MIPOL1: variants seen among roughly 807,000 people sequenced by gnomAD.
MIPOL1 encodes mirror-image polydactyly 1.
MIPOL1 carries 57 observed loss-of-function variants against 60.9 expected under a neutral mutation model. The observed-to-expected ratio is 0.94, with a 90% CI of 0.76 to 1.17. The LOEUF is 1.17. MIPOL1 is among the 50% of genes most tolerant of loss of function. The probability of loss-of-function intolerance (pLI) is 0.00; values close to 1 mark genes in which losing one functional copy is unlikely to be tolerated. For synonymous variants in MIPOL1, 179 were observed against 168.8 expected, an observed-to-expected ratio of 1.06 and a Z score of -0.47; for missense variants, 551 against 511.6, an observed-to-expected ratio of 1.08 and a Z score of -0.74.
At chr14:37,486,181 T>C (rs1218023034) in intron 11 of MIPOL1, among the ~76,000 whole-genome samples, 4 of 152,290 alleles carry the variant, frequency 2.6e-5, no homozygotes, top group East Asian at 1.9e-4. Flanking sequence ...GTTTGTTCTG[T>C]TTCATTCGTC....
At chr14:37,276,562 CAT>C (rs1202359422) in intron 6 of MIPOL1, 1 of 150,978 alleles carries the variant, frequency 6.6e-6, no homozygotes, top group East Asian at 1.9e-4. Context: ...TACTATGTAT[CAT>C]ATCTCAGATG....
chr14:37,377,298 C>T (rs2092802790), intron 10 of MIPOL1, among the ~76,000 whole-genome samples: 1 of 152,078 alleles, frequency 6.6e-6, no homozygotes, highest in South Asian at 2.1e-4. Context: ...GAAAGAGGGG[C>T]ATCTTTGTAA....
chr14:37,319,745 A>G (rs777494740), intron 9 of MIPOL1, among the ~76,000 whole-genome samples: 4 of 152,110 alleles, frequency 2.6e-5, no homozygotes, highest in Non-Finnish European at 5.9e-5. Flanking sequence ...TGAAAGCAGC[A>G]TCCTGATCAA....
intron 9 of MIPOL1, among the ~76,000 whole-genome samples, chr14:37,323,691 A>T (rs965127535): frequency 1.3e-5 from 2 of 152,066 alleles, no homozygotes; most frequent in African/African-American, 4.8e-5. Flanking sequence ...TCATACACCC[A>T]TGTAACCACA....
intron 9 of MIPOL1, among the ~76,000 whole-genome samples, chr14:37,319,665 G>A (rs1052028315): frequency 6.6e-6 from 1 of 152,150 alleles, no homozygotes; most frequent in Non-Finnish European, 1.5e-5. Flanking sequence ...TTTTGTAAAT[G>A]AGGGTATAAC....
At chr14:37,264,225 A>G (rs1239987562) in intron 3 of MIPOL1, among the ~76,000 whole-genome samples, 2 of 152,154 alleles carry the variant, frequency 1.3e-5, no homozygotes, top group Admixed American at 1.3e-4. Context: ...TGAATAAGGT[A>G]AAGAAAATTA....
At position 37,302,137 on chromosome 14, in the gene MIPOL1, A is replaced by G. The variant is rs915096491; in HGVS notation, c.624-5919A>G. On this transcript the variant is annotated intron_variant, in intron 7 of 12. Transcript: ENST00000684589. Reference sequence around the variant, plus strand: ...AACCCAGTAGCAATACTGCTGAATCATAAGTTAAATCTATGTTAATTTTAT... The same window carrying G: ...AACCCAGTAGCAATACTGCTGAATCGTAAGTTAAATCTATGTTAATTTTAT... Among the ~76,000 whole-genome samples the G allele has an allele frequency of 1.4e-4, 21 of 148,238 alleles. No individual in the cohort carries two copies. The East Asian group carries it at 4.2e-3, about 29-fold the overall frequency.
At chr14:37,400,503 A>G (rs552613104) in intron 10 of MIPOL1, 1 of 152,202 alleles carries the variant, frequency 6.6e-6, no homozygotes, top group Non-Finnish European at 1.5e-5. Flanking sequence ...GTTGATAAGG[A>G]TAGTACAAAG....
rs530847965 is a variant in MIPOL1, at chr14:37,395,124, G to A, written c.936+25500G>A. Among the ~76,000 whole-genome samples the A allele has an allele frequency of 4.6e-5, 7 of 152,232 alleles. 1 individual carries two copies. The East Asian group carries it at 1.2e-3, about 25-fold the overall frequency. On this transcript the variant is annotated intron_variant, in intron 10 of 12. Coordinates refer to ENST00000684589, the MANE Select transcript of MIPOL1 (RefSeq NM_001388067.1). ...TTCTGTTCCATTGGTCTAAGTGCCT[G>A]TTTTTATACCAGTACCATGCTGTTT...
At chr14:37,457,294 T>G (rs1423184476) in intron 11 of MIPOL1, among the ~76,000 whole-genome samples, 1 of 152,180 alleles carries the variant, frequency 6.6e-6, no homozygotes, top group Non-Finnish European at 1.5e-5. Flanking sequence ...GTTCTTGATC[T>G]TTCTCATTCA....
intron 3 of MIPOL1, among the ~76,000 whole-genome samples, chr14:37,265,784 A>G (rs1014774453): frequency 6.6e-6 from 1 of 152,104 alleles, no homozygotes; most frequent in African/African-American, 2.4e-5. Flanking sequence ...CCTGGGCAAC[A>G]CTGCAAGATC....
chr14:37,303,911 G>C lies in MIPOL1; in HGVS notation c.624-4145G>C, dbSNP rs372156005. 2.9e-3 allele frequency among the ~76,000 whole-genome samples: 437 copies of C among 151,820 alleles called. 4 individuals carry two copies. The highest frequency in any genetic ancestry group is 9.9e-3 in the African/African-American group (409 of 41,504). ...TATCAGAGTCTAGGAGTTCAGGTAG[G>C]GGGAAGAGTCAGGGAAGGCCACACA... On this transcript the variant is annotated intron_variant, in intron 7 of 12. Transcript: ENST00000684589.
Position 37,451,198 on chromosome 14 carries a change from G to C in MIPOL1, c.1031+28249G>C, listed in dbSNP as rs1594403969. Among the ~76,000 whole-genome samples the C allele has an allele frequency of 3.9e-5, 6 of 152,166 alleles. No individual in the cohort carries two copies. In the South Asian group the frequency reaches 1.2e-3, roughly 32 times the overall value. ...TCCCAAGGGCAATATTAGCTACTTT[G>C]TACAAGTTAATCTTCTTCCTTGTTC... is the stretch of plus-strand genomic sequence containing the variant. On this transcript the variant is annotated intron_variant, in intron 11 of 12. Transcript: ENST00000684589.
rs552515586 is a variant in MIPOL1 at position 37,294,684 on chromosome 14, G to A, written c.623+9237G>A. On this transcript the variant is annotated intron_variant, in intron 7 of 12. Coordinates refer to ENST00000684589, the MANE Select transcript of MIPOL1 (RefSeq NM_001388067.1). ...ATGCACAAGCCTCAGTAACCGATGC[G>A]ATCAACTGGAAGAAAGGGTATCAGT... Among the ~76,000 whole-genome samples the A allele has an allele frequency of 2.0e-3, 302 of 152,248 alleles. 2 individuals are homozygous for A. The highest frequency in any genetic ancestry group is 6.5e-3 in the African/African-American group (269 of 41,532).
At chr14:37,233,874 C>A (rs189485825) in intron 1 of MIPOL1, among the ~76,000 whole-genome samples, 5 of 152,302 alleles carry the variant, frequency 3.3e-5, no homozygotes, top group African/African-American at 9.6e-5. Flanking sequence ...ATGCCTCGAA[C>A]ATCTTAAAAA....
chr14:37,350,065 T>C (rs1246766476), intron 9 of MIPOL1, among the ~76,000 whole-genome samples: 1 of 152,196 alleles, frequency 6.6e-6, no homozygotes, highest in Non-Finnish European at 1.5e-5. Flanking sequence ...TCCTGTCTCT[T>C]TCTGTATTCT....
intron 3 of MIPOL1, among the ~76,000 whole-genome samples, chr14:37,253,199 A>T (rs1349581281): frequency 6.6e-6 from 1 of 151,836 alleles, no homozygotes; most frequent in Admixed American, 6.6e-5. Flanking sequence ...AATACTTTTA[A>T]TAATGTCAGT....
At chr14:37,370,241 T>A (rs1305115076) in intron 10 of MIPOL1, among the ~76,000 whole-genome samples, 2 of 152,188 alleles carry the variant, frequency 1.3e-5, no homozygotes, top group African/African-American at 4.8e-5. Context: ...ATGGTTTTAA[T>A]TCTACTAATT....
At chr14:37,481,438 A>C (rs922070920) in intron 11 of MIPOL1, among the ~76,000 whole-genome samples, 3 of 152,114 alleles carry the variant, frequency 2.0e-5, no homozygotes, top group African/African-American at 7.2e-5. Context: ...TACTGTTAAA[A>C]TGTCACACCA....
Sources: allele counts gnomAD v4.1 joint callset (sites outside exome capture counted in the v4.1 genomes callset), GRCh38; gene constraint gnomAD v4.1.1; transcripts MANE v1.5; gene names NCBI Gene and HGNC (gene_info 2026-07-23, HGNC 2026-07-21).